BMPR1A: variants seen among roughly 807,000 people sequenced by gnomAD.
The protein encoded by BMPR1A is bone morphogenetic protein receptor type-1A.
In BMPR1A, 7 loss-of-function variants were observed where a neutral mutation model predicts 66.0. The ratio of observed to expected loss-of-function variants is 0.11; its 90% confidence interval spans 0.06 to 0.20. BMPR1A has a LOEUF of 0.20. BMPR1A is among the 10% of genes least tolerant of loss of function. The pLI, the probability that BMPR1A is intolerant of heterozygous loss-of-function variation, is 1.00. For missense variants in BMPR1A, 408 were observed against 669.1 expected, an observed-to-expected ratio of 0.61 and a Z score of 4.31; for synonymous variants, 200 against 229.7, an observed-to-expected ratio of 0.87 and a Z score of 1.17.
chr10:86,854,762 C>T, intron 2 of BMPR1A: 1 of 241,738 alleles, frequency 4.1e-6, no homozygotes, highest in Non-Finnish European at 9.0e-6. Context: ...ACTCCCTGAT[C>T]CTCAGATTTA....
downstream of BMPR1A, chr10:86,931,629 T>A (rs1487665037): frequency 5.3e-5 from 8 of 152,146 alleles, no homozygotes; most frequent in African/African-American, 1.9e-4. Flanking sequence ...GCATCCCTTG[T>A]CACCAGTGAG....
intron 1 of BMPR1A, among the ~76,000 whole-genome samples, chr10:86,765,763 A>C (rs928178376): frequency 1.1e-4 from 17 of 152,138 alleles, no homozygotes; most frequent in African/African-American, 4.1e-4. Flanking sequence ...ACAATACAGA[A>C]ATGAAGTAAT....
chr10:86,917,028 A>T, intron 8 of BMPR1A, 106 bp from the exon 9 acceptor site: 3 of 1,191,640 alleles, frequency 2.5e-6, no homozygotes, highest in Non-Finnish European at 3.7e-6. Flanking sequence ...TTTTAACTGG[A>T]GTTGGTTGGG....
intron 9 of BMPR1A, among the ~76,000 whole-genome samples, chr10:86,918,242 C>A (rs1381058139): frequency 1.3e-5 from 2 of 152,114 alleles, no homozygotes; most frequent in African/African-American, 4.8e-5. Flanking sequence ...CTGCAAAGAC[C>A]CTCTTTCCAA....
intron 3 of BMPR1A, among the ~76,000 whole-genome samples, chr10:86,887,916 G>T (rs1843089620): frequency 6.6e-6 from 1 of 152,150 alleles, no homozygotes; most frequent in Non-Finnish European, 1.5e-5. Flanking sequence ...TGGCAAAACA[G>T]AATCCCAGTC....
intron 1 of BMPR1A, among the ~76,000 whole-genome samples, chr10:86,826,236 G>A (rs1381609039): frequency 1.3e-5 from 2 of 152,046 alleles, no homozygotes; most frequent in Non-Finnish European, 2.9e-5. Flanking sequence ...AAGAGATATA[G>A]TATTAATACA....
At chr10:86,797,025 C>T (rs1260770936) in intron 1 of BMPR1A, among the ~76,000 whole-genome samples, 7 of 151,142 alleles carry the variant, frequency 4.6e-5, no homozygotes, top group Non-Finnish European at 7.4e-5. Context: ...AATTTTTCTT[C>T]CCAGTTTATA....
intron 11 of BMPR1A, 142 bp from the exon 12 acceptor site, chr10:86,923,234 A>G: frequency 2.6e-6 from 3 of 1,155,090 alleles, no homozygotes; most frequent in South Asian, 2.6e-5. Context: ...TACATCTACT[A>G]TTAAGAGTGA....
intron 1 of BMPR1A, among the ~76,000 whole-genome samples, chr10:86,810,100 A>G (rs1345617759): frequency 6.6e-6 from 1 of 151,812 alleles, no homozygotes; most frequent in African/African-American, 2.4e-5. Flanking sequence ...CTTCCCGAGT[A>G]GCTGAGATTA....
At chr10:86,791,067 T>G (rs1221875602) in intron 1 of BMPR1A, among the ~76,000 whole-genome samples, 10 of 152,244 alleles carry the variant, frequency 6.6e-5, no homozygotes, top group Admixed American at 1.3e-4. Context: ...TGTTAGCTAC[T>G]AAATCATTTA....
chr10:86,879,579 A>G (rs569594389), intron 3 of BMPR1A, among the ~76,000 whole-genome samples: 1 of 152,334 alleles, frequency 6.6e-6, no homozygotes, highest in South Asian at 2.1e-4. Context: ...ACATTTGTTG[A>G]CCTGACATCA....
intron 11 of BMPR1A, among the ~76,000 whole-genome samples, chr10:86,922,146 C>T (rs1267132207): frequency 1.3e-5 from 2 of 152,144 alleles, no homozygotes; most frequent in Admixed American, 6.5e-5. Context: ...TAAGTGAGAA[C>T]ATGTGAAGTT....
rs1299820687 is a variant in BMPR1A, at chr10:86,926,456, G to C, written c.*2737G>C. On this transcript the variant is annotated 3_prime_UTR_variant, in exon 13 of 13. Transcript: ENST00000372037. ...AATTGCTTAAAATCAGAAGGTGGAG[G>C]TTGCAGTGAGCTGAGATCGTGTCAC... 1 of 159,028 alleles carries C rather than the reference G, an allele frequency of 6.3e-6. No homozygotes were observed. Among genetic ancestry groups the C allele is most frequent in the Non-Finnish European group, 1.4e-5 (1 of 72,104 alleles). The allele number at this position is 159,028 out of a possible 1,614,324, so 9.9% of individuals were successfully genotyped here. A position where few individuals can be genotyped will look rare whatever the true frequency, so the allele number is the denominator to read the frequency against.
chr10:86,873,657 A>T (rs1842881285), intron 2 of BMPR1A, among the ~76,000 whole-genome samples: 1 of 152,138 alleles, frequency 6.6e-6, no homozygotes, highest in African/African-American at 2.4e-5. Context: ...TTAGTGGGAA[A>T]ATTGAAATGA....
intron 2 of BMPR1A, among the ~76,000 whole-genome samples, chr10:86,851,718 A>C (rs1245843879): frequency 6.6e-6 from 1 of 152,206 alleles, no homozygotes; most frequent in African/African-American, 2.4e-5. Context: ...GTGCAGAGTA[A>C]TGGAAGCCTG....
chr10:86,781,863 T>C (rs575075181), intron 1 of BMPR1A, among the ~76,000 whole-genome samples: 99 of 138,640 alleles, frequency 7.1e-4, no homozygotes, highest in African/African-American at 2.6e-3. Flanking sequence ...ATTTCTTTTT[T>C]TTTTTTTTTT....
chr10:86,833,372 A>C (rs992273556), intron 1 of BMPR1A, among the ~76,000 whole-genome samples: 11 of 152,190 alleles, frequency 7.2e-5, no homozygotes, highest in Non-Finnish European at 1.6e-4. Flanking sequence ...TAGAGGTAAG[A>C]ATGGAGGTGA....
chr10:86,917,425 A>G, intron 9 of BMPR1A, 99 bp downstream of exon 9: 4 of 1,417,738 alleles, frequency 2.8e-6, no homozygotes, highest in South Asian at 1.2e-5. Flanking sequence ...GAGTTCAACT[A>G]TATACATTTG....
intron 2 of BMPR1A, among the ~76,000 whole-genome samples, chr10:86,865,926 A>G (rs1349541133): frequency 6.6e-6 from 1 of 152,160 alleles, no homozygotes; most frequent in Non-Finnish European, 1.5e-5. Flanking sequence ...TGGGACTGAG[A>G]TCCTGAGTAG....
Sources: gnomAD v4.1 joint callset for allele counts (sites outside exome capture counted in the v4.1 genomes callset) on GRCh38, gnomAD v4.1.1 for gene constraint, MANE v1.5 for transcripts, NCBI Gene and HGNC (gene_info 2026-07-23, HGNC 2026-07-21) for gene names.